The following SCRIB variants were observed in gnomAD, a reference collection of about 807,000 sequenced individuals.
SCRIB encodes protein scribble homolog.
In SCRIB, 72 loss-of-function variants were observed where a neutral mutation model predicts 170.0. The ratio of observed to expected loss-of-function variants is 0.42; its 90% CI spans 0.35 to 0.52. SCRIB has a LOEUF of 0.52. SCRIB is among the 20% of genes least tolerant of loss of function. SCRIB has a pLI of 0.02. For missense variants in SCRIB, 2,475 were observed against 2,338.5 expected, an observed-to-expected ratio of 1.06 and a Z score of -1.20; for synonymous variants, 1,298 against 1,044.3, an observed-to-expected ratio of 1.24 and a Z score of -4.68.
Position 143,814,083 on chromosome 8 carries a change from G to A in SCRIB, c.195C>T (p.Gly65=), listed in dbSNP as rs1231764588. The change falls in exon 2 of 37, where the codon GGC becomes GGT. Residue 65 remains glycine (G), a synonymous_variant. Coordinates refer to ENST00000356994, the MANE Select transcript of SCRIB (RefSeq NM_182706.5). ...FFRLLNLRKL[G]LSDNEIQRLP... is the part of the protein sequence containing the mutation. ...ACCGCTGGATCTCGTTGTCGCTCAG[G>A]CCCAGCTTGCGCAAGTTCAGCAGCC... 4 of 1,554,970 alleles carry A rather than the reference G, an allele frequency of 2.6e-6. No individual in the cohort carries two copies. Among genetic ancestry groups the A allele is most frequent in the Non-Finnish European group, 3.5e-6 (4 of 1,148,914 alleles).
At position 143,791,184 on chromosome 8, in the gene SCRIB, G is replaced by T; in HGVS notation, c.4947C>A (p.Gly1649=). ...TCCTCTAGGAGGGCACAGGGCCCAG[G>T]CCACGGCGCCCAGGCCTTACGGGGC... ...SRRPVRPGRR[G]LGPVPS The change falls in exon 37 of 37, where the codon GGC becomes GGA. Residue 1649 remains glycine (G), a synonymous_variant. Transcript: ENST00000356994. The T allele has an allele frequency of 6.9e-7, 1 of 1,438,956 alleles. No homozygotes were observed. The highest frequency in any genetic ancestry group is 9.1e-7 in the Non-Finnish European group (1 of 1,094,394). The allele number at this position is 1,438,956 out of a possible 1,614,324, so 89.1% of individuals were successfully genotyped here.
Position 143,812,303 on chromosome 8 carries a change from T to C in SCRIB, c.869A>G (p.Asn290Ser), listed in dbSNP as rs774280254. The part of the protein sequence containing the change: ...EVTEAIGDCE[N>S]LSELILTENL... ...CTCCGTGAGGATCAGCTCAGAGAGG[T>C]TCTCACAGTCCCCGATGGCCTCGGT... The change falls in exon 9 of 37, where the codon AAC becomes AGC. Residue 290 changes from asparagine to serine, a missense_variant. Physicochemically the swap from Asn to Ser is conservative, Grantham distance 46. Around this residue, in one of 3 missense-constraint regions of SCRIB, gnomAD observed 487 missense variants for 558.1 expected, o/e 0.87. Transcript: ENST00000356994. 2 of 1,612,864 alleles carry C rather than the reference T, an allele frequency of 1.2e-6. No individual in the cohort carries two copies. The highest frequency in any genetic ancestry group is 1.7e-6 in the Non-Finnish European group (2 of 1,179,304).
At chr8:143,804,487 G>A in intron 21 of SCRIB, 81 bp downstream of exon 21, 2 of 1,399,822 alleles carry the variant, frequency 1.4e-6, no homozygotes, top group Non-Finnish European at 1.9e-6. Flanking sequence ...GGGCCGCAAG[G>A]CCATAAGAGA....
chr8:143,793,117 G>A (rs1554633385), intron 28 of SCRIB, 34 bp from the exon 29 acceptor site: 3 of 1,258,142 alleles, frequency 2.4e-6, no homozygotes, highest in Non-Finnish European at 2.1e-6. Context: ...CTATGCTGGG[G>A]CAGCTGTCGG....
rs1554635687 is a variant in SCRIB at position 143,803,938 on chromosome 8, C to T, written c.3123G>A (p.Val1041=). The change falls in exon 23 of 37, where the codon GTG becomes GTA. Residue 1041 remains valine (V), a splice_region_variant and synonymous_variant. Coordinates refer to ENST00000356994, the MANE Select transcript of SCRIB (RefSeq NM_182706.5). ...TGCGAGCGGCCAGGCCCCGCGGGAG[C>T]ACCTGTCAGGGAGGAGGGTGGCAGC... The part of the protein sequence containing the change: ...VQEPGVFISK[V]LPRGLAARSG... 6.3e-7 allele frequency: 1 copy of T among 1,579,088 alleles called. No individual in the cohort carries two copies. The highest frequency in any genetic ancestry group is 1.8e-5 in the Admixed American group (1 of 54,732).
rs759720514 is a variant in SCRIB at position 143,813,537 on chromosome 8, G to A, written c.447-11C>T. 31 of 1,613,126 alleles carry A rather than the reference G, an allele frequency of 1.9e-5. No homozygotes were observed. Among genetic ancestry groups the A allele is most frequent in the African/African-American group, 8.0e-5 (6 of 74,940 alleles). Reference sequence around the variant, plus strand: ...ACCAGGTTGGCGAGGCTGAAAGAGAGACCAGGCGCTGGGGCAAGAGGAAGG... The same window carrying A: ...ACCAGGTTGGCGAGGCTGAAAGAGAAACCAGGCGCTGGGGCAAGAGGAAGG... On this transcript the variant is annotated splice_polypyrimidine_tract_variant and intron_variant, in intron 4 of 36. Transcript: ENST00000356994.
Position 143,808,861 on chromosome 8 carries a change from C to A in SCRIB, c.1863G>T (p.Gln621His). The A allele has an allele frequency of 1.2e-6, 2 of 1,610,464 alleles. No individual in the cohort carries two copies. Among genetic ancestry groups the A allele is most frequent in the Non-Finnish European group, 1.7e-6 (2 of 1,179,942 alleles). ...GCAGCAGAGCCACAACGGCCTCGGGCTGGGGCAGCTTGGAGATCTTGAAGT... is the reference window on the plus strand; with the variant it reads ...GCAGCAGAGCCACAACGGCCTCGGGATGGGGCAGCTTGGAGATCTTGAAGT... The part of the protein sequence containing the change: ...KKHFKISKLP[Q>H]PEAVVALLQG... Residue 621 changes from glutamine (Q) to histidine (H), a missense_variant, in exon 15 of 37, where the codon CAG becomes CAT. Physicochemically the swap from Gln to His is conservative, Grantham distance 24. This residue lies in a region of SCRIB where 1,966 missense variants were observed against 1,742.9 expected (regional missense o/e 1.13). Transcript: ENST00000356994.
rs1040022817 is a variant in SCRIB, at chr8:143,809,673, G to C, written c.1576C>G (p.Pro526Ala). The change falls in exon 14 of 37, where the codon CCA becomes GCA. Residue 526 changes from proline (P) to alanine (A), a missense_variant. Around this residue, in one of 3 missense-constraint regions of SCRIB, gnomAD observed 1,966 missense variants for 1,742.9 expected, o/e 1.13. Coordinates refer to ENST00000356994, the MANE Select transcript of SCRIB (RefSeq NM_182706.5). ...GCCTCAGAGACTGTGCTGGCAGATG[G>C]GCGAGAGTCTTCACTCAGGCCAGAC... ...AESGLSEDSR[P>A]SASTVSEAEP... 1.2e-6 allele frequency: 2 copies of C among 1,610,958 alleles called. No homozygotes were observed. Among genetic ancestry groups the C allele is most frequent in the African/African-American group, 2.7e-5 (2 of 74,924 alleles).
intron 9 of SCRIB, 101 bp downstream of exon 9, chr8:143,812,165 C>G: frequency 1.2e-6 from 1 of 828,066 alleles, no homozygotes; most frequent in Admixed American, 1.7e-5. Context: ...CCACGTCAGG[C>G]TGCCACCAGC....
chr8:143,791,758 A>G lies in SCRIB; in HGVS notation c.4696-18T>C. 6.7e-7 allele frequency: 1 copy of G among 1,483,416 alleles called. No individual in the cohort carries two copies. The highest frequency in any genetic ancestry group is 9.1e-7 in the Non-Finnish European group (1 of 1,097,072). The allele number at this position is 1,483,416 out of a possible 1,614,324, so 91.9% of individuals were successfully genotyped here. A position where few individuals can be genotyped will look rare whatever the true frequency, so the allele number is the denominator to read the frequency against. Reference sequence around the variant, plus strand: ...GACAAGGGCTTGAAAGGACAGCGTGAGGGGAGAGGCAGAGAGTGAGAGGAA... The same window carrying G: ...GACAAGGGCTTGAAAGGACAGCGTGGGGGGAGAGGCAGAGAGTGAGAGGAA... On this transcript the variant is annotated intron_variant, in intron 34 of 36. Coordinates refer to ENST00000356994, the MANE Select transcript of SCRIB (RefSeq NM_182706.5).
chr8:143,795,255 G>C (rs782493317), intron 26 of SCRIB, 22 bp downstream of exon 26: 8 of 1,612,336 alleles, frequency 5.0e-6, no homozygotes, highest in Non-Finnish European at 6.8e-6. Context: ...CTGATGTGAG[G>C]GGGTGGGGCG....
At chr8:143,808,349 C>A (rs1334996952) in intron 15 of SCRIB, among the ~76,000 whole-genome samples, 1 of 151,842 alleles carries the variant, frequency 6.6e-6, no homozygotes, top group African/African-American at 2.4e-5. Context: ...AACGCCAGGG[C>A]AGGCCTGGGG....
chr8:143,815,066 G>T, intron 1 of SCRIB, 148 bp downstream of exon 1: 1 of 902,970 alleles, frequency 1.1e-6, no homozygotes, highest in Non-Finnish European at 1.5e-6. Context: ...GGAAGAGAAG[G>T]GTGGGGCTGG....
Position 143,792,262 on chromosome 8 carries a change from C to T in SCRIB, c.4472G>A (p.Arg1491Gln), listed in dbSNP as rs1046760984. 6 of 1,571,562 alleles carry T rather than the reference C, an allele frequency of 3.8e-6. No individual in the cohort carries two copies. Among genetic ancestry groups the T allele is most frequent in the East Asian group, 2.3e-5 (1 of 43,344 alleles). ...PERALSPAEL[R>Q]ALEAEKRALW... is the part of the protein sequence containing the mutation. The stretch of plus-strand genomic sequence containing the variant: ...CGCACGCTTCTCGGCCTCCAGGGCC[C>T]GGAGCTCGGCAGGGGACAGGGCACG... The change falls in exon 32 of 37, where the codon CGG (arginine) becomes CAG (glutamine). Residue 1491 changes from arginine to glutamine, a missense_variant. Physicochemically the swap from Arg to Gln is conservative, Grantham distance 43 (BLOSUM62 1). Coordinates refer to ENST00000356994, the MANE Select transcript of SCRIB (RefSeq NM_182706.5).
chr8:143,800,898 C>A (rs968796909), intron 24 of SCRIB, among the ~76,000 whole-genome samples: 1 of 152,212 alleles, frequency 6.6e-6, no homozygotes, highest in African/African-American at 2.4e-5. Flanking sequence ...CATACACGTA[C>A]GTGAAATCCC....
Position 143,795,025 on chromosome 8 carries a change from A to C in SCRIB, c.3846+13T>G. 1 of 1,607,726 alleles carries C rather than the reference A, an allele frequency of 6.2e-7. No homozygotes were observed. Among genetic ancestry groups the C allele is most frequent in the Non-Finnish European group, 8.5e-7 (1 of 1,177,204 alleles). ...AGGACGGAGGTGGGGGGCACTGCAC[A>C]CTGGGCACTCACCCTCTGCACGCTG... On this transcript the variant is annotated intron_variant, in intron 27 of 36. Transcript: ENST00000356994.
intron 11 of SCRIB, 42 bp downstream of exon 11, chr8:143,810,864 T>C: frequency 6.2e-7 from 1 of 1,607,812 alleles, no homozygotes; most frequent in Non-Finnish European, 8.5e-7. Flanking sequence ...AAACCCTGCC[T>C]GAGAGCCACC....
At chr8:143,809,503 C>A (rs1169045501) in intron 14 of SCRIB, 48 bp downstream of exon 14, 3 of 1,573,594 alleles carry the variant, frequency 1.9e-6, no homozygotes, top group Admixed American at 1.7e-5. Flanking sequence ...GGGAGGCAGC[C>A]CCCACCCAGC....
chr8:143,814,263 A>G (rs1050045952), intron 1 of SCRIB, 145 bp from the exon 2 acceptor site: 1 of 648,468 alleles, frequency 1.5e-6, no homozygotes, highest in South Asian at 1.9e-5. Flanking sequence ...TAACCACGAC[A>G]CCCCATTTGC....
Sources: gnomAD v4.1 joint callset for allele counts (sites outside exome capture counted in the v4.1 genomes callset) on GRCh38, gnomAD v4.1.1 for gene constraint, gnomAD v4.1.1 regional missense constraint, MANE v1.5 for transcripts, NCBI Gene and HGNC (gene_info 2026-07-23, HGNC 2026-07-21) for gene names.